Variants in SLC9C2 observed in about 807,000 individuals in gnomAD.
SLC9C2 encodes solute carrier family 9 member C2 (putative), also known as sodium/hydrogen exchanger 11.
In SLC9C2, 75 loss-of-function variants were observed where a neutral mutation model predicts 140.2. The observed-to-expected ratio is 0.53, with a 90% CI of 0.44 to 0.65. The LOEUF is 0.65. Ranked by LOEUF, SLC9C2 falls within the 30% of genes least tolerant of loss-of-function variation. The pLI is 0.00. For missense variants in SLC9C2, 1,074 were observed against 1,331.8 expected (o/e 0.81, Z 3.01); for synonymous variants, 375 against 420.9 (o/e 0.89, Z 1.34).
Position 173,500,829 on chromosome 1 carries a change from A to G in SLC9C2, c.*265T>C, listed in dbSNP as rs2101869853. ...GAAACAGGGTTTCATTTGGTAGGAC[A>G]TATGTTTCAGTGTATTTTATATTAT... On this transcript the variant is annotated 3_prime_UTR_variant, in exon 28 of 28. Coordinates refer to ENST00000367714, the MANE Select transcript of SLC9C2 (RefSeq NM_178527.4). The G allele has an allele frequency of 4.0e-6, 1 of 251,680 alleles. No homozygotes were observed. The highest frequency in any genetic ancestry group is 7.5e-6 in the Non-Finnish European group (1 of 133,234). The allele number at this position is 251,680 out of a possible 1,614,324, so 15.6% of individuals were successfully genotyped here.
At chr1:173,601,158 T>C (rs1666755648) in intron 2 of SLC9C2, among the ~76,000 whole-genome samples, 1 of 152,200 alleles carries the variant, frequency 6.6e-6, no homozygotes, top group South Asian at 2.1e-4. Context: ...AAAGCCATAA[T>C]AAAATGGACA....
intron 9 of SLC9C2, among the ~76,000 whole-genome samples, chr1:173,562,556 CCCTCAGGA>C (rs1664187640): frequency 6.6e-6 from 1 of 151,992 alleles, no homozygotes; most frequent in Admixed American, 6.6e-5. Flanking sequence ...TAATTCACAC[CCCTCAGGA>C]CCTTTGGATT....
At position 173,503,265 on chromosome 1, in the gene SLC9C2, C is replaced by A. The variant is rs1558005832; in HGVS notation, c.3371+1G>T. 1 of 1,612,132 alleles carries A rather than the reference C, an allele frequency of 6.2e-7. No individual in the cohort carries two copies. The highest frequency in any genetic ancestry group is 8.5e-7 in the Non-Finnish European group (1 of 1,178,584). Reference sequence around the variant, plus strand: ...TCTAATCAAAGTGTCAAGTTTATTACCTCATCTTTTGTCTTCCATTTATAT... The same window carrying A: ...TCTAATCAAAGTGTCAAGTTTATTAACTCATCTTTTGTCTTCCATTTATAT... On this transcript the variant is annotated splice_donor_variant, in intron 27 of 27. Transcript: ENST00000367714. LOFTEE classifies it high-confidence loss of function.
chr1:173,588,093 G>C (rs568408281), intron 4 of SLC9C2, among the ~76,000 whole-genome samples: 1 of 152,206 alleles, frequency 6.6e-6, no homozygotes, highest in South Asian at 2.1e-4. Flanking sequence ...CAATATGAAA[G>C]GTTCTTAAAC....
chr1:173,560,024 G>T (rs985252974), intron 9 of SLC9C2, among the ~76,000 whole-genome samples: 6 of 152,130 alleles, frequency 3.9e-5, no homozygotes, highest in Non-Finnish European at 8.8e-5. Flanking sequence ...ATGAAAAAAG[G>T]GTATTTTCAG....
At chr1:173,596,740 A>G (rs187609550) in intron 4 of SLC9C2, 1 of 152,270 alleles carries the variant, frequency 6.6e-6, no homozygotes, top group Non-Finnish European at 1.5e-5. Context: ...TGTTGAAAAC[A>G]AAAGGATGGA....
Position 173,524,930 on chromosome 1 carries a change from A to G in SLC9C2, c.2366-3T>C. The G allele has an allele frequency of 6.2e-7, 1 of 1,612,890 alleles. No individual in the cohort carries two copies. The highest frequency in any genetic ancestry group is 2.2e-5 in the East Asian group (1 of 44,848). ...ACGACCCTCATGCTCCATGAGTACT[A>G]CAGCAAAGAAAATAAAATTCAGTAA... On this transcript the variant is annotated splice_region_variant and splice_polypyrimidine_tract_variant and intron_variant, in intron 19 of 27. Transcript: ENST00000367714.
chr1:173,569,082 T>C (rs12030536), intron 9 of SLC9C2, among the ~76,000 whole-genome samples: 21,216 of 152,182 alleles, frequency 0.14, 1,776 homozygotes, highest in East Asian at 0.32. Flanking sequence ...AGATATACTA[T>C]TCTTGGGTAA....
At chr1:173,515,714 T>C (rs1319514438) in intron 23 of SLC9C2, among the ~76,000 whole-genome samples, 4 of 152,156 alleles carry the variant, frequency 2.6e-5, no homozygotes, top group African/African-American at 7.2e-5. Flanking sequence ...TGGACAGGCA[T>C]TGCGATCATG....
At chr1:173,526,245 C>T (rs1387892503) in intron 19 of SLC9C2, among the ~76,000 whole-genome samples, 1 of 152,230 alleles carries the variant, frequency 6.6e-6, no homozygotes, top group Non-Finnish European at 1.5e-5. Context: ...CGTTGCAGCC[C>T]TATGTTCCAG....
chr1:173,539,106 C>G (rs932844134), intron 13 of SLC9C2, among the ~76,000 whole-genome samples: 4 of 152,170 alleles, frequency 2.6e-5, no homozygotes, highest in Admixed American at 2.0e-4. Flanking sequence ...CACCATTTCC[C>G]AAACTAATTT....
At position 173,502,297 on chromosome 1, in the gene SLC9C2, A is replaced by G. The variant is rs992640306; in HGVS notation, c.3371+969T>C. Among the ~76,000 whole-genome samples the G allele has an allele frequency of 2.2e-3, 329 of 149,516 alleles. 3 individuals carry two copies. Among genetic ancestry groups the G allele is most frequent in the African/African-American group, 7.7e-3 (311 of 40,504 alleles). The stretch of plus-strand genomic sequence containing the variant: ...CAAAAAAAAAAAAAAAAAAAAAAAA[A>G]GCTGTTTATTTGGGATGACTTGGCA... On this transcript the variant is annotated intron_variant, in intron 27 of 27. Transcript: ENST00000367714.
intron 22 of SLC9C2, among the ~76,000 whole-genome samples, 168 bp downstream of exon 22, chr1:173,521,133 T>A (rs1660778050): frequency 6.6e-6 from 1 of 152,132 alleles, no homozygotes; most frequent in Non-Finnish European, 1.5e-5. Flanking sequence ...GGAAGCACAT[T>A]TCAGGTGTTG....
At chr1:173,533,421 G>A (rs1234163127) in intron 17 of SLC9C2, among the ~76,000 whole-genome samples, 188 bp downstream of exon 17, 1 of 152,046 alleles carries the variant, frequency 6.6e-6, no homozygotes, top group Non-Finnish European at 1.5e-5. Flanking sequence ...TGGGACCACA[G>A]GTGCACACCA....
At chr1:173,522,447 G>A (rs1450419347) in intron 21 of SLC9C2, among the ~76,000 whole-genome samples, 1 of 152,188 alleles carries the variant, frequency 6.6e-6, no homozygotes, top group African/African-American at 2.4e-5. Context: ...GTCTCAGGCA[G>A]GGAGGGATGG....
intron 19 of SLC9C2, 133 bp downstream of exon 19, chr1:173,526,530 G>C: frequency 1.3e-6 from 1 of 793,314 alleles, no homozygotes; most frequent in Non-Finnish European, 2.1e-6. Context: ...TGGCCCATTA[G>C]CTGTGTTTAA....
intron 13 of SLC9C2, among the ~76,000 whole-genome samples, chr1:173,538,465 GC>G (rs61562569): frequency 0.14 from 20,996 of 152,100 alleles, 4,793 homozygotes; most frequent in African/African-American, 0.48. Flanking sequence ...TCTGTTCCAA[GC>G]CCTGTTTTAG....
At chr1:173,597,848 T>C in intron 4 of SLC9C2, 56 bp downstream of exon 4, 4 of 1,487,688 alleles carry the variant, frequency 2.7e-6, no homozygotes, top group East Asian at 2.4e-5. Flanking sequence ...AGCCATATTC[T>C]CTATCAACGT....
intron 13 of SLC9C2, among the ~76,000 whole-genome samples, chr1:173,540,168 C>G (rs1199039996): frequency 6.6e-6 from 1 of 152,074 alleles, no homozygotes; most frequent in Non-Finnish European, 1.5e-5. Context: ...CAGAATAGGC[C>G]ATAGAGGGGA....
Sources: gnomAD v4.1 joint callset for allele counts (sites outside exome capture counted in the v4.1 genomes callset) on GRCh38, gnomAD v4.1.1 for gene constraint, MANE v1.5 for transcripts, NCBI Gene and HGNC (gene_info 2026-07-23, HGNC 2026-07-21) for gene names.